The following NCBP2L variants were observed in gnomAD, a reference collection of about 807,000 sequenced individuals.
NCBP2L encodes the protein nuclear cap binding protein subunit 2 like, also known as nuclear cap-binding protein subunit 2-like.
For missense variants in NCBP2L, 95 were observed against 53.1 expected, an observed-to-expected ratio of 1.79 and a Z score of -2.45; for synonymous variants, 39 against 19.2, an observed-to-expected ratio of 2.04 and a Z score of -2.70.
chrX:107,780,797 T>C, intron 1 of NCBP2L, among the ~76,000 whole-genome samples: 1 of 108,943 alleles, frequency 9.2e-6, no homozygotes, highest in Non-Finnish European at 1.9e-5. Context: ...GCAGGGCTCA[T>C]TTTTGTATTT....
chrX:107,782,300 A>AATAT (rs1217227561), intron 1 of NCBP2L, among the ~76,000 whole-genome samples: 1 of 20,565 alleles, frequency 4.9e-5, no homozygotes, highest in African/African-American at 6.4e-4. Flanking sequence ...TATATATATA[A>AATAT]ATATATATAT....
chrX:107,789,325 TCAA>T lies in NCBP2L; in HGVS notation c.-72-4819_-72-4817del, dbSNP rs373525986. On this transcript the variant is annotated intron_variant, in intron 1 of 1. Transcript: ENST00000509000. ...GTTATCCCTCCTCTCATCTGTGTCT[TCAA>T]CAACTCCTTCTCTACTTACTGGCTG... 1.7e-3 allele frequency among the ~76,000 whole-genome samples: 185 copies of T among 110,099 alleles called. 1 individual carries two copies. Among genetic ancestry groups the T allele is most frequent in the African/African-American group, 6.0e-3 (181 of 30,234 alleles).
chrX:107,782,342 T>A (rs1162004457), intron 1 of NCBP2L, among the ~76,000 whole-genome samples: 9 of 40,377 alleles, frequency 2.2e-4, no homozygotes, highest in African/African-American at 1.0e-3. Flanking sequence ...TATATAAATA[T>A]ATATATATAA....
chrX:107,781,739 TAG>T (rs1311862090), intron 1 of NCBP2L, among the ~76,000 whole-genome samples: 1 of 91,483 alleles, frequency 1.1e-5, no homozygotes, highest in African/African-American at 4.0e-5. Context: ...GATCTATATA[TAG>T]ATATCTATAT....
intron 1 of NCBP2L, among the ~76,000 whole-genome samples, chrX:107,787,372 T>C (rs779834874): frequency 8.9e-6 from 1 of 112,346 alleles, no homozygotes; most frequent in Non-Finnish European, 1.9e-5. Flanking sequence ...GTTCTGCCAG[T>C]CTGTTTCAGC....
intron 1 of NCBP2L, among the ~76,000 whole-genome samples, chrX:107,778,077 T>A (rs945679209): frequency 9.0e-6 from 1 of 111,136 alleles, no homozygotes; most frequent in African/African-American, 3.3e-5. Context: ...AAATTTCATC[T>A]GCATTGTGTA....
At chrX:107,781,692 C>CTCTATA (rs1395038482) in intron 1 of NCBP2L, among the ~76,000 whole-genome samples, 4 of 66,913 alleles carry the variant, frequency 6.0e-5, no homozygotes, top group African/African-American at 8.5e-5. Context: ...CTCTCTCTCT[C>CTCTATA]TATATATATA....
Position 107,794,351 on chromosome X carries a change from G to A in NCBP2L, c.131G>A (p.Gly44Glu), listed in dbSNP as rs1160519770. The A allele has an allele frequency of 7.0e-6, 4 of 569,856 alleles. No homozygotes were observed. The highest frequency in any genetic ancestry group is 4.4e-5 in the South Asian group (2 of 44,969). The allele number at this position is 569,856 out of a possible 1,213,427, so 47.0% of individuals were successfully genotyped here. ...AAGGAAAGCTCCACATTGAATATGGGGAATCTTTCCTTTTATACAACCGAA... is the reference window on the plus strand; with the variant it reads ...AAGGAAAGCTCCACATTGAATATGGAGAATCTTTCCTTTTATACAACCGAA... ...LLKESSTLNM[G>E]NLSFYTTEEK... The change falls in exon 2 of 2, where the codon GGG becomes GAG. Residue 44 changes from glycine (G) to glutamate (E), a missense_variant. By Grantham distance (98) the Gly-to-Glu change is moderately conservative. Transcript: ENST00000509000.
chrX:107,783,380 A>ATT (rs1280169056), intron 1 of NCBP2L, among the ~76,000 whole-genome samples: 6 of 58,683 alleles, frequency 1.0e-4, no homozygotes, highest in Admixed American at 2.2e-4. Flanking sequence ...TTTTTTTTTT[A>ATT]TTTTTTATTT....
At chrX:107,782,822 TATATAC>T (rs936784454) in intron 1 of NCBP2L, among the ~76,000 whole-genome samples, 1 of 97,024 alleles carries the variant, frequency 1.0e-5, no homozygotes, top group Non-Finnish European at 2.0e-5. Context: ...TTTTATTTTA[TATATAC>T]ATATACATAT....
chrX:107,779,138 T>C (rs991214397), intron 1 of NCBP2L, among the ~76,000 whole-genome samples: 1 of 112,071 alleles, frequency 8.9e-6, no homozygotes, highest in Non-Finnish European at 1.9e-5. Context: ...GAAGCTGGTA[T>C]AGTTATAGAA....
intron 1 of NCBP2L, among the ~76,000 whole-genome samples, chrX:107,781,963 G>T (rs1930298738): frequency 1.1e-5 from 1 of 91,088 alleles, no homozygotes; most frequent in Admixed American, 1.4e-4. Flanking sequence ...GACCTGAGGT[G>T]ATCTGCCCAC....
Position 107,783,379 on chromosome X carries a change from TA to T in NCBP2L, c.-73+5522del, listed in dbSNP as rs1189655573. Among the ~76,000 whole-genome samples the T allele has an allele frequency of 3.5e-3, 302 of 86,038 alleles. 1 individual carries two copies. Among genetic ancestry groups the T allele is most frequent in the African/African-American group, 0.014 (277 of 20,355 alleles). The allele number at this position is 86,038 out of a possible 115,157, so 74.7% of individuals were successfully genotyped here. ...TTGCCTTTTTTTTTTTTTTTTTTTT[TA>T]TTTTTTATTTTAGAGGGAGTCTCAC... On this transcript the variant is annotated intron_variant, in intron 1 of 1. Transcript: ENST00000509000.
chrX:107,793,432 C>T (rs1470575908), intron 1 of NCBP2L, among the ~76,000 whole-genome samples: 1 of 111,534 alleles, frequency 9.0e-6, no homozygotes, highest in African/African-American at 3.3e-5. Context: ...AAAAGTGTAG[C>T]TAAAACCGAC....
At chrX:107,782,210 AATATATATATAAAT>A (rs1930307881) in intron 1 of NCBP2L, among the ~76,000 whole-genome samples, 13 of 7,046 alleles carry the variant, frequency 1.8e-3, no homozygotes, top group African/African-American at 5.3e-3. Context: ...TATATATATA[AATATATATATAAAT>A]ATATATATAT....
intron 1 of NCBP2L, among the ~76,000 whole-genome samples, chrX:107,793,353 C>A (rs186969181): frequency 9.0e-6 from 1 of 111,158 alleles, no homozygotes; most frequent in African/African-American, 3.3e-5. Context: ...ATTTGGGAAC[C>A]TCTGCGAAAC....
intron 1 of NCBP2L, among the ~76,000 whole-genome samples, chrX:107,781,676 A>ATCTATCTCTCTCTCTCTCTC (rs1380779020): frequency 7.2e-5 from 4 of 55,881 alleles, no homozygotes; most frequent in African/African-American, 4.5e-4. Flanking sequence ...CTATCTATCT[A>ATCTATCTCTCTCTCTCTCTC]TCTCTCTCTC....
intron 1 of NCBP2L, among the ~76,000 whole-genome samples, chrX:107,781,415 C>T (rs1227196310): frequency 1.9e-5 from 2 of 107,331 alleles, no homozygotes; most frequent in African/African-American, 6.8e-5. Flanking sequence ...AAGCGATCCT[C>T]TCATCTCAGT....
intron 1 of NCBP2L, among the ~76,000 whole-genome samples, chrX:107,781,651 C>T (rs7058834): frequency 0.13 from 8,208 of 64,791 alleles, 730 homozygotes; most frequent in African/African-American, 0.28. Flanking sequence ...ATCTATCTAT[C>T]ATCTATCTAT....
Sources: allele counts gnomAD v4.1 joint callset (sites outside exome capture counted in the v4.1 genomes callset), GRCh38; gene constraint gnomAD v4.1.1; transcripts MANE v1.5; gene names NCBI Gene and HGNC (gene_info 2026-07-23, HGNC 2026-07-21).